Variants in TAF3 observed in about 807,000 individuals in gnomAD.
The protein encoded by TAF3 is transcription initiation factor TFIID subunit 3.
In TAF3, 7 loss-of-function variants were observed where a neutral mutation model predicts 80.6. The ratio of observed to expected loss-of-function variants is 0.09; its 90% CI spans 0.05 to 0.16. The LOEUF (loss-of-function observed/expected upper bound fraction) is 0.16, where lower values mean the gene tolerates loss of function less well. Ranked by LOEUF, TAF3 falls within the 10% of genes least tolerant of loss-of-function variation. The pLI is 1.00. For missense variants in TAF3, 921 were observed against 1,140.2 expected (o/e 0.81, Z 2.77); for synonymous variants, 444 against 446.1 (o/e 1.00, Z 0.06).
intron 2 of TAF3, among the ~76,000 whole-genome samples, chr10:7,889,230 G>A (rs781141417): frequency 7.2e-5 from 11 of 152,060 alleles, no homozygotes; most frequent in African/African-American, 9.7e-5. Flanking sequence ...TCTTAGTATT[G>A]CTAGGGTTTT....
intron 2 of TAF3, among the ~76,000 whole-genome samples, chr10:7,903,370 C>G (rs1837578193): frequency 6.6e-6 from 1 of 152,198 alleles, no homozygotes; most frequent in African/African-American, 2.4e-5. Flanking sequence ...TCTTCTGGCA[C>G]AAGAAGCCCC....
chr10:7,827,974 A>T (rs1007979103), intron 2 of TAF3, among the ~76,000 whole-genome samples: 5 of 152,024 alleles, frequency 3.3e-5, no homozygotes, highest in Admixed American at 3.3e-4. Flanking sequence ...AAAACACATG[A>T]CAGCGAATAT....
At position 7,965,406 on chromosome 10, in the gene TAF3, G is replaced by A. The variant is rs1831560128; in HGVS notation, c.1896G>A (p.Lys632=). The change falls in exon 3 of 7, where the codon AAG becomes AAA. Residue 632 remains lysine (K), a synonymous_variant. Coordinates refer to ENST00000344293, the MANE Select transcript of TAF3 (RefSeq NM_031923.4). ...DREKGKKDKD[K]REKEKVKDKG... ...AGAAAGGCAAGAAAGATAAAGATAA[G>A]AGAGAGAAAGAAAAAGTGAAAGATA... is the stretch of plus-strand genomic sequence containing the variant. 4.3e-6 allele frequency: 7 copies of A among 1,613,092 alleles called. No individual in the cohort carries two copies. The highest frequency in any genetic ancestry group is 1.6e-4 in the Middle Eastern group (1 of 6,082).
chr10:7,924,330 T>A (rs1837794913), intron 2 of TAF3, among the ~76,000 whole-genome samples: 1 of 152,210 alleles, frequency 6.6e-6, no homozygotes, highest in Admixed American at 6.5e-5. Flanking sequence ...TCTGCTAGCA[T>A]GTTTTGATTT....
At chr10:7,878,951 C>T (rs1171915393) in intron 2 of TAF3, among the ~76,000 whole-genome samples, 5 of 152,118 alleles carry the variant, frequency 3.3e-5, no homozygotes, top group Non-Finnish European at 4.4e-5. Context: ...TGGTCCGGAA[C>T]TCCTGACCTC....
chr10:7,898,596 A>C (rs1297539672), intron 2 of TAF3, among the ~76,000 whole-genome samples: 1 of 149,508 alleles, frequency 6.7e-6, no homozygotes, highest in Admixed American at 6.7e-5. Flanking sequence ...TTTCTTCCTT[A>C]CTTTTCTTGG....
At chr10:7,960,650 C>T (rs1838181106) in intron 2 of TAF3, among the ~76,000 whole-genome samples, 1 of 152,184 alleles carries the variant, frequency 6.6e-6, no homozygotes, top group Admixed American at 6.5e-5. Flanking sequence ...GTAGAGCACG[C>T]AGGGGCTCAC....
intron 2 of TAF3, among the ~76,000 whole-genome samples, chr10:7,947,307 G>C (rs1838034484): frequency 6.6e-6 from 1 of 152,234 alleles, no homozygotes; most frequent in Admixed American, 6.5e-5. Context: ...GTGCGGTTAA[G>C]AGCTTTCCAT....
At chr10:8,013,061 C>T (rs1832069657) in intron 5 of TAF3, among the ~76,000 whole-genome samples, 3 of 152,302 alleles carry the variant, frequency 2.0e-5, no homozygotes, top group South Asian at 2.1e-4. Context: ...CTCTAGAGTA[C>T]ACAATATTTG....
intron 2 of TAF3, among the ~76,000 whole-genome samples, chr10:7,899,737 C>T (rs1366717216): frequency 6.6e-6 from 1 of 152,120 alleles, no homozygotes; most frequent in African/African-American, 2.4e-5. Context: ...ATTGAGTGCT[C>T]ATTAAATAAA....
intron 1 of TAF3, among the ~76,000 whole-genome samples, chr10:7,821,370 TAACA>T (rs1261590014): frequency 6.6e-6 from 1 of 152,214 alleles, no homozygotes; most frequent in African/African-American, 2.4e-5. Flanking sequence ...TCTGTTGTTT[TAACA>T]AACACTTACT....
At chr10:7,978,519 C>A (rs535780794) in intron 4 of TAF3, among the ~76,000 whole-genome samples, 1 of 152,126 alleles carries the variant, frequency 6.6e-6, no homozygotes, top group Admixed American at 6.5e-5. Flanking sequence ...TTACTCTTTT[C>A]GGTTGTGCCA....
At chr10:7,890,803 T>C (rs892343816) in intron 2 of TAF3, among the ~76,000 whole-genome samples, 1 of 152,238 alleles carries the variant, frequency 6.6e-6, no homozygotes, top group Admixed American at 6.5e-5. Flanking sequence ...TACATTTTTT[T>C]CCCAAGTGAT....
At chr10:7,909,664 A>G (rs565030506) in intron 2 of TAF3, among the ~76,000 whole-genome samples, 2 of 152,374 alleles carry the variant, frequency 1.3e-5, no homozygotes, top group African/African-American at 4.8e-5. Flanking sequence ...AGGAAACTAT[A>G]GTGCTTAACA....
At chr10:7,960,706 C>T (rs547151976) in intron 2 of TAF3, among the ~76,000 whole-genome samples, 1 of 152,304 alleles carries the variant, frequency 6.6e-6, no homozygotes, top group African/African-American at 2.4e-5. Context: ...AGCACCTTGT[C>T]AGTCATACTG....
At chr10:7,851,893 C>T (rs1262231344) in intron 2 of TAF3, among the ~76,000 whole-genome samples, 3 of 151,800 alleles carry the variant, frequency 2.0e-5, no homozygotes, top group Admixed American at 2.0e-4. Flanking sequence ...TTAAGCAATC[C>T]TCCCACCTCC....
At chr10:7,839,121 C>G (rs1836884655) in intron 2 of TAF3, among the ~76,000 whole-genome samples, 1 of 151,962 alleles carries the variant, frequency 6.6e-6, no homozygotes, top group African/African-American at 2.4e-5. Context: ...TTGCTTCGTG[C>G]TTTACCTTCC....
chr10:7,821,300 C>T (rs1229415568), intron 1 of TAF3, among the ~76,000 whole-genome samples: 1 of 152,108 alleles, frequency 6.6e-6, no homozygotes, highest in African/African-American at 2.4e-5. Flanking sequence ...ATTCTAAAAT[C>T]AAATTCTGTA....
intron 2 of TAF3, among the ~76,000 whole-genome samples, chr10:7,832,897 T>C (rs1836815549): frequency 6.6e-6 from 1 of 152,148 alleles, no homozygotes; most frequent in South Asian, 2.1e-4. Context: ...TTATACTCTT[T>C]TAGTTATTTT....
Sources: gnomAD v4.1 joint callset for allele counts (sites outside exome capture counted in the v4.1 genomes callset) on GRCh38, gnomAD v4.1.1 for gene constraint, MANE v1.5 for transcripts, NCBI Gene and HGNC (gene_info 2026-07-23, HGNC 2026-07-21) for gene names.